CAMKMT: variants seen among roughly 807,000 people sequenced by gnomAD.
The protein encoded by CAMKMT is calmodulin-lysine N-methyltransferase.
Under a neutral mutation model 48.0 loss-of-function variants are expected in CAMKMT, and 53 were observed. That is an observed-to-expected ratio of 1.10 (90% confidence interval 0.89 to 1.39). The LOEUF (loss-of-function observed/expected upper bound fraction) is 1.39, where lower values mean the gene tolerates loss of function less well. Among genes scored for constraint, CAMKMT ranks in the 40% most tolerant of loss-of-function variants. The pLI, the probability that CAMKMT is intolerant of heterozygous loss-of-function variation, is 0.00. For synonymous variants in CAMKMT, 165 were observed against 152.3 expected (o/e 1.08, Z -0.61); for missense variants, 428 against 402.7 (o/e 1.06, Z -0.54).
intron 3 of CAMKMT, among the ~76,000 whole-genome samples, chr2:44,647,366 C>G (rs11898257): frequency 6.6e-6 from 1 of 152,150 alleles, no homozygotes; most frequent in Non-Finnish European, 1.5e-5. Flanking sequence ...AAAAGCAAAA[C>G]TACATTCTTT....
At chr2:44,486,316 T>C (rs1340830063) in intron 3 of CAMKMT, among the ~76,000 whole-genome samples, 3 of 152,242 alleles carry the variant, frequency 2.0e-5, no homozygotes, top group Admixed American at 2.0e-4. Context: ...CTTATTTTTT[T>C]ACTTTTCTGT....
intron 3 of CAMKMT, among the ~76,000 whole-genome samples, chr2:44,679,313 T>C (rs917111288): frequency 6.6e-5 from 10 of 152,246 alleles, no homozygotes; most frequent in African/African-American, 2.4e-4. Context: ...ATATTTGATA[T>C]TGGACTGCAG....
At chr2:44,364,082 C>G (rs1302326008) in intron 1 of CAMKMT, among the ~76,000 whole-genome samples, 1 of 135,978 alleles carries the variant, frequency 7.4e-6, no homozygotes, top group Non-Finnish European at 1.5e-5. Context: ...CTCCTGGGCT[C>G]AAGCAATCCT....
At chr2:44,414,253 G>A (rs1683402290) in intron 3 of CAMKMT, among the ~76,000 whole-genome samples, 1 of 152,156 alleles carries the variant, frequency 6.6e-6, no homozygotes, top group South Asian at 2.1e-4. Flanking sequence ...CCCAAATTTA[G>A]CAGCTTAAAA....
chr2:44,681,164 T>C (rs1675999983), intron 3 of CAMKMT, among the ~76,000 whole-genome samples: 1 of 152,240 alleles, frequency 6.6e-6, no homozygotes, highest in African/African-American at 2.4e-5. Flanking sequence ...CAGGCTACTT[T>C]CTGAAGGCCC....
At chr2:44,568,387 A>G (rs771982819) in intron 3 of CAMKMT, among the ~76,000 whole-genome samples, 30 of 152,194 alleles carry the variant, frequency 2.0e-4, no homozygotes, top group Non-Finnish European at 4.4e-4. Context: ...CTGAATGAAC[A>G]TAATTTTTCA....
chr2:44,447,947 G>A (rs181746599), intron 3 of CAMKMT, among the ~76,000 whole-genome samples: 18 of 152,106 alleles, frequency 1.2e-4, no homozygotes, highest in African/African-American at 4.3e-4. Context: ...CTTATAAAAT[G>A]CATTCTATTG....
In CAMKMT at chr2:44,706,342, G is replaced by A. The variant is rs745733936; in HGVS notation, c.492+1G>A. 2.5e-6 allele frequency: 4 copies of A among 1,613,182 alleles called. No individual in the cohort carries two copies. Among genetic ancestry groups the A allele is most frequent in the East Asian group, 2.2e-5 (1 of 44,868 alleles). ...CATGACATGCTTGGCTGGGCTCATG[G>A]TAGGTCTTTTCTCCATTCCAATCCC... On this transcript the variant is annotated splice_donor_variant, in intron 5 of 10. Transcript: ENST00000378494. LOFTEE classifies it high-confidence loss of function.
intron 7 of CAMKMT, among the ~76,000 whole-genome samples, chr2:44,732,409 G>T (rs1164584866): frequency 6.6e-6 from 1 of 152,188 alleles, no homozygotes; most frequent in Non-Finnish European, 1.5e-5. Context: ...ATTTTACTTT[G>T]GTGTCAGTGT....
At chr2:44,622,663 G>A (rs1199122988) in intron 3 of CAMKMT, among the ~76,000 whole-genome samples, 1 of 152,230 alleles carries the variant, frequency 6.6e-6, no homozygotes, top group South Asian at 2.1e-4. Flanking sequence ...TTGCTGCAAA[G>A]GATATGATTT....
chr2:44,749,235 A>G (rs1314754546), intron 8 of CAMKMT, among the ~76,000 whole-genome samples: 1 of 152,186 alleles, frequency 6.6e-6, no homozygotes, highest in African/African-American at 2.4e-5. Flanking sequence ...GAAACTTCTT[A>G]TAAGCTGCTC....
chr2:44,429,998 C>T (rs1467353156), intron 3 of CAMKMT, among the ~76,000 whole-genome samples: 1 of 151,868 alleles, frequency 6.6e-6, no homozygotes, highest in Non-Finnish European at 1.5e-5. Flanking sequence ...ATCCAGGACT[C>T]TTTATAGAGA....
intron 3 of CAMKMT, among the ~76,000 whole-genome samples, chr2:44,410,233 A>ATATATATATAGTC (rs1319584184): frequency 8.2e-5 from 1 of 12,180 alleles, no homozygotes; most frequent in Non-Finnish European, 1.9e-4. Flanking sequence ...AGGTATCAGT[A>ATATATATATAGTC]TATATATATA....
At chr2:44,759,459 A>C (rs343943) in intron 9 of CAMKMT, among the ~76,000 whole-genome samples, 1 of 151,464 alleles carries the variant, frequency 6.6e-6, no homozygotes, top group South Asian at 2.1e-4. Context: ...CTTTTTTTTT[A>C]AAAAAAGTCT....
intron 3 of CAMKMT, chr2:44,631,456 AG>A: frequency 1.7e-6 from 1 of 595,214 alleles, no homozygotes; most frequent in Non-Finnish European, 3.0e-6. Flanking sequence ...AGTTTAAATA[AG>A]AAAAAAAAAC....
chr2:44,565,701 A>T (rs1293506006), intron 3 of CAMKMT, among the ~76,000 whole-genome samples: 1 of 152,096 alleles, frequency 6.6e-6, no homozygotes, highest in Non-Finnish European at 1.5e-5. Context: ...TCTGGAATTA[A>T]AAAAACAAAA....
At chr2:44,692,136 A>C (rs1379672823) in intron 3 of CAMKMT, among the ~76,000 whole-genome samples, 1 of 152,210 alleles carries the variant, frequency 6.6e-6, no homozygotes, top group Non-Finnish European at 1.5e-5. Flanking sequence ...TTTGTGGGTT[A>C]TCAATGAGGA....
At chr2:44,622,208 A>G (rs56955308) in intron 3 of CAMKMT, among the ~76,000 whole-genome samples, 5,204 of 152,264 alleles carry the variant, frequency 0.034, 241 homozygotes, top group African/African-American at 0.11. Context: ...GTTCCTCATA[A>G]ATTGGTAAAT....
chr2:44,468,264 G>A (rs1409696433), intron 3 of CAMKMT, among the ~76,000 whole-genome samples: 1 of 152,112 alleles, frequency 6.6e-6, no homozygotes, highest in Non-Finnish European at 1.5e-5. Context: ...CACATCACTG[G>A]TCATCAGGAA....
Sources: allele counts gnomAD v4.1 joint callset (sites outside exome capture counted in the v4.1 genomes callset), GRCh38; gene constraint gnomAD v4.1.1; transcripts MANE v1.5; gene names NCBI Gene and HGNC (gene_info 2026-07-23, HGNC 2026-07-21).